The following GREB1L variants were observed in gnomAD, a reference collection of about 807,000 sequenced individuals.
The protein encoded by GREB1L is GREB1 like retinoic acid receptor coactivator.
GREB1L carries 17 observed loss-of-function variants against 200.8 expected under a neutral mutation model. The observed-to-expected ratio is 0.08, with a 90% CI of 0.06 to 0.13. The LOEUF is 0.13. Ranked by LOEUF, GREB1L falls within the 10% of genes least tolerant of loss-of-function variation. The pLI is 1.00. For synonymous variants in GREB1L, 789 were observed against 893.0 expected (o/e 0.88, Z 2.08); for missense variants, 1,657 against 2,367.7 (o/e 0.70, Z 6.23).
At chr18:21,376,738 T>G (rs1469036112) in intron 2 of GREB1L, among the ~76,000 whole-genome samples, 3 of 137,312 alleles carry the variant, frequency 2.2e-5, no homozygotes, top group East Asian at 4.3e-4. Context: ...CCGGGAGGCG[T>G]AGCTTGCAGT....
chr18:21,311,325 G>T (rs2038786787), intron 1 of GREB1L, among the ~76,000 whole-genome samples: 1 of 152,202 alleles, frequency 6.6e-6, no homozygotes, highest in African/African-American at 2.4e-5. Context: ...TCTGACAGTG[G>T]TGTTTTTGTA....
intron 1 of GREB1L, among the ~76,000 whole-genome samples, chr18:21,340,563 G>C (rs1250080808): frequency 6.7e-6 from 1 of 149,726 alleles, no homozygotes; most frequent in Non-Finnish European, 1.5e-5. Flanking sequence ...CTTTTTTTGA[G>C]ACGGAGTCTT....
Position 21,390,781 on chromosome 18 carries a change from C to T in GREB1L, c.356-4604C>T, listed in dbSNP as rs1034062276. The stretch of plus-strand genomic sequence containing the variant: ...CAATCTCTTGACCTTGTGATCCACC[C>T]GCCTTGGCCTCCCAAAGTGCTGGGA... On this transcript the variant is annotated intron_variant, in intron 4 of 32. Coordinates refer to ENST00000424526, the MANE Select transcript of GREB1L (RefSeq NM_001142966.3). 7.9e-5 allele frequency among the ~76,000 whole-genome samples: 12 copies of T among 152,170 alleles called. No homozygotes were observed. The East Asian group carries it at 1.9e-3, about 25-fold the overall frequency.
intron 1 of GREB1L, among the ~76,000 whole-genome samples, chr18:21,333,380 A>G (rs933306503): frequency 6.6e-6 from 1 of 152,148 alleles, no homozygotes; most frequent in African/African-American, 2.4e-5. Context: ...GAGCCTTAAG[A>G]ATAGATTTCT....
chr18:21,479,757 G>A (rs1282836640), intron 17 of GREB1L, among the ~76,000 whole-genome samples: 2 of 151,624 alleles, frequency 1.3e-5, no homozygotes, highest in Non-Finnish European at 2.9e-5. Context: ...TTATTTTTAC[G>A]TTTTTTTGAG....
In GREB1L at chr18:21,402,480, CTTCCTTTCCCT is replaced by C. The variant is rs199612210; in HGVS notation, c.709+1173_709+1183del. Among the ~76,000 whole-genome samples the C allele has an allele frequency of 5.2e-3, 705 of 136,346 alleles. 2 individuals are homozygous for C. The highest frequency in any genetic ancestry group is 7.6e-3 in the Non-Finnish European group (480 of 63,038). The allele number at this position is 136,346 out of a possible 152,430, so 89.4% of individuals were successfully genotyped here. A position where few individuals can be genotyped will look rare whatever the true frequency, so the allele number is the denominator to read the frequency against. ...CTTCCTTTCCTTTCCCTTTTTCTTT[CTTCCTTTCCCT>C]TTCCTTTCCCTTTCCTTTTCCTTTC... On this transcript the variant is annotated intron_variant, in intron 6 of 32. Transcript: ENST00000424526.
intron 15 of GREB1L, among the ~76,000 whole-genome samples, chr18:21,469,520 T>C (rs2035399019): frequency 6.6e-6 from 1 of 152,192 alleles, no homozygotes; most frequent in Non-Finnish European, 1.5e-5. Flanking sequence ...GATTAACCTT[T>C]TTTCCAAGAA....
Position 21,449,628 on chromosome 18 carries a change from A to C in GREB1L, c.1512A>C (p.Pro504=), listed in dbSNP as rs1252368868. The C allele has an allele frequency of 7.1e-6, 11 of 1,551,482 alleles. No individual in the cohort carries two copies. In the East Asian group the frequency reaches 2.7e-4, roughly 38 times the overall value. ...GTGCTCAGTGTGTCCCTGTGTCACCAGGACAACTCCCCTGGCTTGCTAGAT... is the reference window on the plus strand; with the variant it reads ...GTGCTCAGTGTGTCCCTGTGTCACCCGGACAACTCCCCTGGCTTGCTAGAT... ...QIGAQCVPVS[P]GQLPWLARLI... is the part of the protein sequence containing the mutation. Residue 504 remains proline, a synonymous_variant, in exon 12 of 33, where the codon CCA becomes CCC. Coordinates refer to ENST00000424526, the MANE Select transcript of GREB1L (RefSeq NM_001142966.3).
chr18:21,299,475 G>T (rs1228668971), intron 1 of GREB1L, among the ~76,000 whole-genome samples: 1 of 150,266 alleles, frequency 6.7e-6, no homozygotes. Context: ...TTTTTATATG[G>T]TACTCATTTT....
chr18:21,448,194 G>T (rs1179191594), intron 11 of GREB1L, among the ~76,000 whole-genome samples: 1 of 148,778 alleles, frequency 6.7e-6, no homozygotes, highest in Non-Finnish European at 1.5e-5. Flanking sequence ...CAGCATAGAA[G>T]AAACACAGAC....
chr18:21,344,922 G>A (rs1317173413), intron 1 of GREB1L, among the ~76,000 whole-genome samples: 1 of 152,118 alleles, frequency 6.6e-6, no homozygotes, highest in Admixed American at 6.5e-5. Flanking sequence ...CCCTAAATGT[G>A]ACCTAATTAT....
rs151095634 is a variant in GREB1L, at chr18:21,438,038, T to C, written c.833-1483T>C. 3.3e-5 allele frequency among the ~76,000 whole-genome samples: 5 copies of C among 152,240 alleles called. No homozygotes were observed. The East Asian group carries it at 9.7e-4, about 30-fold the overall frequency. The stretch of plus-strand genomic sequence containing the variant: ...GCTCATGCCTATAATTTCAGCACTT[T>C]GGGAGGCTGAGGAGGGTAGATCACT... On this transcript the variant is annotated intron_variant, in intron 7 of 32. Coordinates refer to ENST00000424526, the MANE Select transcript of GREB1L (RefSeq NM_001142966.3).
Position 21,463,134 on chromosome 18 carries a change from C to CTTTT in GREB1L, c.2182+8597_2182+8600dup, listed in dbSNP as rs11355874. Among the ~76,000 whole-genome samples the CTTTT allele has an allele frequency of 2.3e-4, 13 of 55,686 alleles. 1 individual carries two copies. Among genetic ancestry groups the CTTTT allele is most frequent in the African/African-American group, 7.9e-4 (10 of 12,638 alleles). The allele number at this position is 55,686 out of a possible 152,430, so 36.5% of individuals were successfully genotyped here. A position where few individuals can be genotyped will look rare whatever the true frequency, so the allele number is the denominator to read the frequency against. ...CCGATAGGTAAATAGCTTAATGGTTCTTTTTTTTTTTTTTTTTTTTTTTTT... is the reference window on the plus strand; with the variant it reads ...CCGATAGGTAAATAGCTTAATGGTTCTTTTTTTTTTTTTTTTTTTTTTTTTTTTT... On this transcript the variant is annotated intron_variant, in intron 15 of 32. Coordinates refer to ENST00000424526, the MANE Select transcript of GREB1L (RefSeq NM_001142966.3).
intron 1 of GREB1L, among the ~76,000 whole-genome samples, chr18:21,242,711 A>G (rs533652921): frequency 6.6e-6 from 1 of 152,112 alleles, no homozygotes; most frequent in South Asian, 2.1e-4. Flanking sequence ...ACCGGGCTCT[A>G]CTCGCTGCCT....
intron 1 of GREB1L, among the ~76,000 whole-genome samples, chr18:21,303,590 T>G (rs1485542906): frequency 1.3e-5 from 2 of 152,244 alleles, no homozygotes; most frequent in Non-Finnish European, 2.9e-5. Context: ...TGTAGGCTGT[T>G]ACTTTGCTTC....
chr18:21,519,352 A>G (rs1388084463), intron 31 of GREB1L, among the ~76,000 whole-genome samples: 1 of 152,126 alleles, frequency 6.6e-6, no homozygotes, highest in Non-Finnish European at 1.5e-5. Context: ...AGTCCCAGCT[A>G]TTCAAAAGGC....
At chr18:21,403,475 G>A (rs2144565863) in intron 6 of GREB1L, among the ~76,000 whole-genome samples, 1 of 152,244 alleles carries the variant, frequency 6.6e-6, no homozygotes, top group Non-Finnish European at 1.5e-5. Flanking sequence ...ACAGACCCTA[G>A]GTTACTGTTC....
intron 1 of GREB1L, among the ~76,000 whole-genome samples, chr18:21,249,244 A>C (rs1390065550): frequency 6.6e-6 from 1 of 151,902 alleles, no homozygotes; most frequent in African/African-American, 2.4e-5. Flanking sequence ...TTCCCTTTTT[A>C]GCCTACAGCT....
chr18:21,325,157 A>G (rs2039003795), intron 1 of GREB1L, among the ~76,000 whole-genome samples: 3 of 152,192 alleles, frequency 2.0e-5, no homozygotes, highest in African/African-American at 7.2e-5. Flanking sequence ...TCTCTTTGGT[A>G]GAGAAATCCC....
Sources: allele counts gnomAD v4.1 joint callset (sites outside exome capture counted in the v4.1 genomes callset), GRCh38; gene constraint gnomAD v4.1.1; transcripts MANE v1.5; gene names NCBI Gene and HGNC (gene_info 2026-07-23, HGNC 2026-07-21).